TRPC5: variants seen among roughly 807,000 people sequenced by gnomAD.
TRPC5 encodes the protein transient receptor potential cation channel subfamily C member 5.
A neutral mutation model predicts 56.5 loss-of-function variants in TRPC5; 9 were observed. That is an observed-to-expected ratio of 0.16 (90% CI 0.10 to 0.28). The LOEUF (loss-of-function observed/expected upper bound fraction) is 0.28. Among genes scored for constraint, TRPC5 ranks in the 10% least tolerant of loss-of-function variants. The pLI, the probability that TRPC5 is intolerant of heterozygous loss-of-function variation, is 1.00. For missense variants in TRPC5, 469 were observed against 748.9 expected (o/e 0.63, Z 4.36); for synonymous variants, 282 against 278.5 (o/e 1.01, Z -0.13).
chrX:111,895,043 A>G (rs1264782435), intron 3 of TRPC5, among the ~76,000 whole-genome samples: 1 of 111,778 alleles, frequency 8.9e-6, no homozygotes, highest in Non-Finnish European at 1.9e-5. Flanking sequence ...CTCTTTGGTT[A>G]TATACTTAGG....
At chrX:111,968,663 A>G (rs1270460718) in intron 1 of TRPC5, among the ~76,000 whole-genome samples, 2 of 108,838 alleles carry the variant, frequency 1.8e-5, no homozygotes, top group African/African-American at 6.7e-5. Flanking sequence ...TGATGAGTTC[A>G]TGTCCTTTGT....
intron 2 of TRPC5, among the ~76,000 whole-genome samples, chrX:111,940,548 G>A (rs200040632): frequency 1.7e-4 from 19 of 109,409 alleles, no homozygotes; most frequent in Admixed American, 5.9e-4. Flanking sequence ...AAAATTAGCC[G>A]GGTGTGGTGG....
In TRPC5 at chrX:111,776,946, A is replaced by G. The variant is rs748787765; in HGVS notation, c.2289T>C (p.Asn763=). The change falls in exon 11 of 11, where the codon AAT becomes AAC. Residue 763 remains asparagine, a synonymous_variant. Transcript: ENST00000262839. The part of the protein sequence containing the change: ...FRYEVLDLLG[N]RKHPRSFSTS... ...TGGAAAAGCTCCTTGGATGTTTTCT[A>G]TTTCCCAAGAGGTCAAGCACTTCAT... 43 of 1,180,581 alleles carry G rather than the reference A, an allele frequency of 3.6e-5. No homozygotes were observed. Among genetic ancestry groups the G allele is most frequent in the Admixed American group, 7.3e-5 (3 of 41,080 alleles).
chrX:112,010,599 A>T (rs1416386995), intron 1 of TRPC5, among the ~76,000 whole-genome samples: 1 of 111,514 alleles, frequency 9.0e-6, no homozygotes, highest in East Asian at 2.8e-4. Context: ...CACAATGGGA[A>T]GTATTTGTGT....
intron 2 of TRPC5, chrX:111,930,666 A>G (rs1926385743): frequency 8.9e-6 from 1 of 111,827 alleles, no homozygotes; most frequent in Non-Finnish European, 1.9e-5. Context: ...TGATGAGGAC[A>G]TATTCCTTGG....
chrX:111,954,807 TC>T (rs972229096), intron 1 of TRPC5, among the ~76,000 whole-genome samples: 2 of 111,607 alleles, frequency 1.8e-5, no homozygotes, highest in African/African-American at 6.5e-5. Flanking sequence ...GAATATTGTA[TC>T]CCAGGGAAAG....
chrX:111,827,093 A>G (rs892467830), intron 7 of TRPC5, among the ~76,000 whole-genome samples: 3 of 111,796 alleles, frequency 2.7e-5, no homozygotes, highest in Non-Finnish European at 5.6e-5. Context: ...ACTTACTAGC[A>G]TATGACTTAT....
chrX:111,843,868 G>C (rs979912140), intron 6 of TRPC5, among the ~76,000 whole-genome samples: 1 of 96,680 alleles, frequency 1.0e-5, no homozygotes, highest in African/African-American at 4.1e-5. Context: ...CAAGACAGTG[G>C]GATGAGTGTG....
At chrX:111,866,117 C>T (rs1450915407) in intron 3 of TRPC5, among the ~76,000 whole-genome samples, 5 of 113,607 alleles carry the variant, frequency 4.4e-5, no homozygotes, top group Admixed American at 9.2e-5. Flanking sequence ...AAACACTGCA[C>T]TCTCTGACAA....
intron 1 of TRPC5, among the ~76,000 whole-genome samples, chrX:111,963,215 C>T (rs1603119666): frequency 8.9e-6 from 1 of 112,116 alleles, no homozygotes; most frequent in Middle Eastern, 4.6e-3. Flanking sequence ...CCCACAGAGT[C>T]TTGCTGATTG....
At chrX:111,844,676 G>A (rs1922875843) in intron 6 of TRPC5, among the ~76,000 whole-genome samples, 1 of 109,125 alleles carries the variant, frequency 9.2e-6, no homozygotes, top group African/African-American at 3.3e-5. Flanking sequence ...TGTTGGCCAG[G>A]CTGGTCTTGA....
chrX:112,006,466 ATC>A (rs1035255803), intron 1 of TRPC5, among the ~76,000 whole-genome samples: 1 of 111,518 alleles, frequency 9.0e-6, no homozygotes, highest in Non-Finnish European at 1.9e-5. Flanking sequence ...CACTGTTGGT[ATC>A]TCTTTTTTAC....
intron 1 of TRPC5, among the ~76,000 whole-genome samples, chrX:112,008,599 C>CAAAAAAAAAAAAAAAAAAAAAA (rs771663324): frequency 2.7e-5 from 2 of 74,041 alleles, no homozygotes; most frequent in African/African-American, 8.9e-5. Context: ...GACTCTGTCT[C>CAAAAAAAAAAAAAAAAAAAAAA]AAAAAAAAAA....
In TRPC5 at chrX:111,776,462, A is replaced by G. The variant is rs1187678923; in HGVS notation, c.2773T>C (p.Ser925Pro). The G allele has an allele frequency of 8.3e-7, 1 of 1,211,234 alleles. No individual in the cohort carries two copies. ...SSECPLACSS[S>P]LHCASSICSS... is the part of the protein sequence containing the mutation. ...CAGATGCTGGATGCACAGTGAAGAG[A>G]GCTGGAACAGGCTAGAGGGCATTCA... is the stretch of plus-strand genomic sequence containing the variant. The change falls in exon 11 of 11, where the codon TCT becomes CCT. Residue 925 changes from serine to proline, a missense_variant. This residue lies in a region of TRPC5 where 194 missense variants were observed against 221.8 expected (regional missense o/e 0.87). Transcript: ENST00000262839.
At chrX:111,904,824 A>C (rs907939221) in intron 3 of TRPC5, among the ~76,000 whole-genome samples, 7 of 112,128 alleles carry the variant, frequency 6.2e-5, no homozygotes, top group Non-Finnish European at 1.3e-4. Context: ...AAAAGTTTGT[A>C]TGACAATACC....
intron 3 of TRPC5, among the ~76,000 whole-genome samples, chrX:111,875,041 T>C (rs1350639116): frequency 8.9e-6 from 1 of 112,132 alleles, no homozygotes; most frequent in East Asian, 2.8e-4. Context: ...AGTATGCCTT[T>C]GGACAAGTTC....
chrX:111,813,122 T>G (rs958702754), intron 7 of TRPC5, among the ~76,000 whole-genome samples: 3 of 112,177 alleles, frequency 2.7e-5, no homozygotes, highest in Non-Finnish European at 5.6e-5. Flanking sequence ...CTTTGGAACA[T>G]TTTCCCAGAT....
intron 1 of TRPC5, among the ~76,000 whole-genome samples, chrX:112,036,993 G>A (rs765659070): frequency 1.3e-4 from 15 of 111,811 alleles, no homozygotes; most frequent in African/African-American, 4.2e-4. Context: ...AATGGGAAAG[G>A]AAATTGAGCA....
At chrX:111,899,899 A>G (rs983429547) in intron 3 of TRPC5, among the ~76,000 whole-genome samples, 8 of 111,381 alleles carry the variant, frequency 7.2e-5, no homozygotes, top group Non-Finnish European at 1.5e-4. Flanking sequence ...CCGTTCTCCT[A>G]TATTCCATAT....
Sources: gnomAD v4.1 joint callset for allele counts (sites outside exome capture counted in the v4.1 genomes callset) on GRCh38, gnomAD v4.1.1 for gene constraint, gnomAD v4.1.1 regional missense constraint, MANE v1.5 for transcripts, NCBI Gene and HGNC (gene_info 2026-07-23, HGNC 2026-07-21) for gene names.